Variants in BICDL1 observed in about 807,000 individuals in gnomAD.
BICDL1 encodes the protein BICD family like cargo adaptor 1, also known as BICD family-like cargo adapter 1.
A neutral mutation model predicts 76.8 loss-of-function variants in BICDL1; 20 were observed. The observed-to-expected ratio is 0.26, with a 90% CI of 0.18 to 0.38. The LOEUF is 0.38. Among genes scored for constraint, BICDL1 ranks in the 10% least tolerant of loss-of-function variants. The pLI is 1.00. For missense variants in BICDL1, 700 were observed against 798.6 expected, an observed-to-expected ratio of 0.88 and a Z score of 1.49; for synonymous variants, 383 against 337.1, an observed-to-expected ratio of 1.14 and a Z score of -1.49.
At chr12:120,056,363 G>T (rs115507534) in intron 2 of BICDL1, among the ~76,000 whole-genome samples, 3,533 of 152,256 alleles carry the variant, frequency 0.023, 147 homozygotes, top group African/African-American at 0.081. Flanking sequence ...GTTAGGCATG[G>T]TAGCCAAAAC....
chr12:120,024,681 CTCTTTCTTTCTT>C (rs141249960), intron 2 of BICDL1, among the ~76,000 whole-genome samples: 1 of 150,548 alleles, frequency 6.6e-6, no homozygotes, highest in Admixed American at 6.6e-5. Flanking sequence ...TATTTAAATC[CTCTTTCTTTCTT>C]TCTTTCTTTT....
intron 8 of BICDL1, among the ~76,000 whole-genome samples, chr12:120,084,981 C>G (rs1027557881): frequency 1.3e-5 from 2 of 151,730 alleles, no homozygotes; most frequent in African/African-American, 4.8e-5. Context: ...TTTTCATTAT[C>G]TCTATTTCCG....
At chr12:120,091,048 C>T (rs1874916998) in intron 9 of BICDL1, 16 of 1,288,630 alleles carry the variant, frequency 1.2e-5, no homozygotes, top group African/African-American at 1.5e-5. Flanking sequence ...TCCCATCCAC[C>T]GTCTCGCCCT....
intron 4 of BICDL1, among the ~76,000 whole-genome samples, chr12:120,070,077 G>T (rs939389735): frequency 6.6e-6 from 1 of 152,112 alleles, no homozygotes; most frequent in Non-Finnish European, 1.5e-5. Context: ...TTTCCCATTT[G>T]TGGTTATTTG....
intron 2 of BICDL1, among the ~76,000 whole-genome samples, chr12:120,009,774 A>G (rs1237113518): frequency 6.6e-6 from 1 of 152,194 alleles, no homozygotes; most frequent in Non-Finnish European, 1.5e-5. Context: ...TGTGGTTCCT[A>G]AGTATTGTTG....
chr12:119,992,365 A>G (rs931854907), intron 1 of BICDL1: 2 of 152,198 alleles, frequency 1.3e-5, no homozygotes, highest in African/African-American at 4.8e-5. Flanking sequence ...TGTTTAGACA[A>G]TACTTTCTAA....
At chr12:120,051,790 A>C (rs1317305541) in intron 2 of BICDL1, among the ~76,000 whole-genome samples, 2 of 152,182 alleles carry the variant, frequency 1.3e-5, no homozygotes, top group Non-Finnish European at 2.9e-5. Context: ...CTATTAACTA[A>C]TCTACATACC....
At chr12:120,090,848 C>T in intron 9 of BICDL1, 1 of 1,278,380 alleles carries the variant, frequency 7.8e-7, no homozygotes, top group Non-Finnish European at 1.0e-6. Flanking sequence ...TTGGCTCCTG[C>T]ATGGCAGCCA....
chr12:120,002,798 G>A (rs1951782919), intron 2 of BICDL1, among the ~76,000 whole-genome samples: 1 of 152,144 alleles, frequency 6.6e-6, no homozygotes, highest in South Asian at 2.1e-4. Context: ...ATTGCAGTAG[G>A]TACTATGAAG....
chr12:120,091,138 AGT>A (rs1874926217), intron 9 of BICDL1: 2 of 1,227,194 alleles, frequency 1.6e-6, no homozygotes, highest in African/African-American at 3.1e-5. Flanking sequence ...ATCTCTGTGC[AGT>A]GTGACATGCC....
intron 7 of BICDL1, among the ~76,000 whole-genome samples, chr12:120,074,984 A>G (rs1303285235): frequency 1.3e-5 from 2 of 152,236 alleles, no homozygotes; most frequent in Non-Finnish European, 2.9e-5. Context: ...TGTAAGTGCC[A>G]TCACTTCTCT....
intron 2 of BICDL1, among the ~76,000 whole-genome samples, chr12:120,056,606 A>G (rs948106903): frequency 6.6e-6 from 1 of 152,070 alleles, no homozygotes; most frequent in Non-Finnish European, 1.5e-5. Context: ...AATCCCAGCT[A>G]CTCAGGAGGC....
chr12:119,991,134 A>G (rs1399969616), intron 1 of BICDL1, among the ~76,000 whole-genome samples: 1 of 152,166 alleles, frequency 6.6e-6, no homozygotes, highest in East Asian at 1.9e-4. Flanking sequence ...ATTTCTAAAA[A>G]TTAGATTGCA....
intron 2 of BICDL1, among the ~76,000 whole-genome samples, chr12:120,053,570 C>A (rs1431949215): frequency 6.6e-6 from 1 of 152,200 alleles, no homozygotes; most frequent in Non-Finnish European, 1.5e-5. Flanking sequence ...CAGATTGACT[C>A]CTGTGTCAAC....
chr12:119,998,259 C>T (rs1951691911), intron 1 of BICDL1, among the ~76,000 whole-genome samples: 2 of 152,148 alleles, frequency 1.3e-5, no homozygotes, highest in African/African-American at 2.4e-5. Context: ...TAGTCTAGAA[C>T]CTCATGCCTA....
chr12:120,048,428 T>C (rs1952790836), intron 2 of BICDL1, among the ~76,000 whole-genome samples: 1 of 152,212 alleles, frequency 6.6e-6, no homozygotes, highest in Admixed American at 6.5e-5. Context: ...TACAGGTCCT[T>C]GATCTTTTTG....
At chr12:120,044,977 A>C (rs1156264072) in intron 2 of BICDL1, among the ~76,000 whole-genome samples, 7 of 152,126 alleles carry the variant, frequency 4.6e-5, no homozygotes, top group African/African-American at 1.7e-4. Flanking sequence ...GATGGCATTG[A>C]AACAGGCAAC....
At chr12:120,008,159 T>C (rs1047424944) in intron 2 of BICDL1, among the ~76,000 whole-genome samples, 7 of 134,984 alleles carry the variant, frequency 5.2e-5, no homozygotes, top group African/African-American at 1.1e-4. Context: ...TCTTTTTTTT[T>C]TTTTTTTTTT....
intron 2 of BICDL1, among the ~76,000 whole-genome samples, chr12:120,034,430 A>C (rs2138778130): frequency 6.6e-6 from 1 of 152,314 alleles, no homozygotes; most frequent in East Asian, 1.9e-4. Flanking sequence ...GGAGTGGGGC[A>C]CTGAGCTTGA....
Sources: allele counts gnomAD v4.1 joint callset (sites outside exome capture counted in the v4.1 genomes callset), GRCh38; gene constraint gnomAD v4.1.1; transcripts MANE v1.5; gene names NCBI Gene and HGNC (gene_info 2026-07-23, HGNC 2026-07-21).